Variants in CRACR2A observed in about 807,000 individuals in gnomAD.
CRACR2A encodes calcium release activated channel regulator 2A.
Under a neutral mutation model 90.5 loss-of-function variants are expected in CRACR2A, and 79 were observed. That is an observed-to-expected ratio of 0.87 (90% CI 0.73 to 1.05). CRACR2A has a LOEUF of 1.05. Among genes scored for constraint, CRACR2A ranks in the 50% least tolerant of loss-of-function variants. CRACR2A has a pLI of 0.00. For synonymous variants in CRACR2A, 338 were observed against 356.7 expected, an observed-to-expected ratio of 0.95 and a Z score of 0.59; for missense variants, 823 against 897.2, an observed-to-expected ratio of 0.92 and a Z score of 1.06.
At position 3,720,546 on chromosome 12, in the gene CRACR2A, C is replaced by T. The variant is rs74055991; in HGVS notation, c.-117-7229G>A. On this transcript the variant is annotated intron_variant, in intron 2 of 19. Transcript: ENST00000440314. ...CTCTTGTGCCTGCCACAGGTCTCGA[C>T]GGGATCCTGATGCTCTAACGTTTTC... Among the ~76,000 whole-genome samples the T allele has an allele frequency of 5.5e-3, 837 of 152,324 alleles. 10 individuals carry two copies. Among genetic ancestry groups the T allele is most frequent in the African/African-American group, 0.019 (782 of 41,574 alleles).
intron 4 of CRACR2A, among the ~76,000 whole-genome samples, chr12:3,687,797 C>G (rs1945588190): frequency 6.6e-6 from 1 of 152,214 alleles, no homozygotes; most frequent in Non-Finnish European, 1.5e-5. Context: ...AACGAATTTA[C>G]ACTCCCACCA....
At chr12:3,687,275 A>G (rs1392978943) in intron 4 of CRACR2A, among the ~76,000 whole-genome samples, 2 of 150,930 alleles carry the variant, frequency 1.3e-5, no homozygotes, top group African/African-American at 4.9e-5. Flanking sequence ...TTTGTTGTAC[A>G]TATTATTTCA....
intron 17 of CRACR2A, among the ~76,000 whole-genome samples, chr12:3,624,402 T>A (rs1201210905): frequency 6.6e-6 from 1 of 152,216 alleles, no homozygotes; most frequent in African/African-American, 2.4e-5. Context: ...TCCCCTCAGA[T>A]CAAATTAGGT....
intron 4 of CRACR2A, among the ~76,000 whole-genome samples, chr12:3,688,344 C>A (rs1437922881): frequency 6.6e-6 from 1 of 152,092 alleles, no homozygotes; most frequent in Admixed American, 6.6e-5. Context: ...AGTCTGTAAT[C>A]CATTTTGAGT....
intron 2 of CRACR2A, among the ~76,000 whole-genome samples, chr12:3,722,072 G>A (rs1946188183): frequency 6.6e-6 from 1 of 152,150 alleles, no homozygotes; most frequent in Admixed American, 6.5e-5. Flanking sequence ...TTAGACTTGT[G>A]TACATGTCTA....
intron 13 of CRACR2A, chr12:3,640,918 T>A (rs1944555057): frequency 4.2e-6 from 4 of 954,080 alleles, no homozygotes; most frequent in Non-Finnish European, 5.6e-6. Context: ...ATGTTTGAGT[T>A]AATTAAATAT....
intron 3 of CRACR2A, among the ~76,000 whole-genome samples, chr12:3,701,480 G>A (rs1333832490): frequency 1.3e-5 from 2 of 152,126 alleles, no homozygotes; most frequent in Non-Finnish European, 2.9e-5. Flanking sequence ...GCAATGTGAG[G>A]TGATATCATT....
intron 17 of CRACR2A, among the ~76,000 whole-genome samples, chr12:3,621,211 AG>A (rs1009594006): frequency 2.0e-5 from 3 of 152,140 alleles, no homozygotes; most frequent in African/African-American, 7.2e-5. Context: ...ATTCTACCCC[AG>A]GTTTTGGTAT....
intron 7 of CRACR2A, among the ~76,000 whole-genome samples, chr12:3,661,383 G>A (rs1482727897): frequency 6.6e-6 from 1 of 152,186 alleles, no homozygotes; most frequent in Non-Finnish European, 1.5e-5. Context: ...TTGATTTTGA[G>A]TGACTGTACA....
chr12:3,723,566 C>CA (rs1163465421), intron 2 of CRACR2A, among the ~76,000 whole-genome samples: 1 of 152,010 alleles, frequency 6.6e-6, no homozygotes, highest in Non-Finnish European at 1.5e-5. Context: ...CCCTAGGTGT[C>CA]CCTAGGGGCA....
At chr12:3,694,001 C>T (rs1397378798) in intron 4 of CRACR2A, among the ~76,000 whole-genome samples, 1 of 152,144 alleles carries the variant, frequency 6.6e-6, no homozygotes, top group Non-Finnish European at 1.5e-5. Flanking sequence ...GAGTGGGTTG[C>T]TCATTGCCAG....
intron 4 of CRACR2A, among the ~76,000 whole-genome samples, chr12:3,682,372 C>T (rs1945471880): frequency 6.6e-6 from 1 of 152,184 alleles, no homozygotes; most frequent in Admixed American, 6.5e-5. Context: ...CCAGGAGAGG[C>T]TAGTTCACAG....
intron 1 of CRACR2A, among the ~76,000 whole-genome samples, chr12:3,743,062 G>C (rs1215990392): frequency 6.6e-6 from 1 of 152,200 alleles, no homozygotes; most frequent in Non-Finnish European, 1.5e-5. Flanking sequence ...AACCCCTAAA[G>C]TGTCAGAAAA....
At chr12:3,639,664 G>GA (rs1022580502) in intron 13 of CRACR2A, among the ~76,000 whole-genome samples, 30 of 149,794 alleles carry the variant, frequency 2.0e-4, no homozygotes, top group East Asian at 1.4e-3. Context: ...AAAGGAAAAA[G>GA]AAAAAAAAAT....
At chr12:3,663,576 T>G (rs1344673274) in intron 7 of CRACR2A, among the ~76,000 whole-genome samples, 2 of 152,204 alleles carry the variant, frequency 1.3e-5, no homozygotes, top group Admixed American at 6.5e-5. Context: ...CCTCCAACTG[T>G]GTCTCACATG....
At chr12:3,652,897 G>A (rs1944819346) in intron 10 of CRACR2A, among the ~76,000 whole-genome samples, 2 of 152,212 alleles carry the variant, frequency 1.3e-5, no homozygotes, top group Admixed American at 1.3e-4. Context: ...AGCAAGACGT[G>A]CCTAACTCTT....
chr12:3,653,367 A>G (rs150805342), intron 10 of CRACR2A, among the ~76,000 whole-genome samples: 94 of 152,346 alleles, frequency 6.2e-4, no homozygotes, highest in African/African-American at 2.0e-3. Context: ...ACCTAGCACA[A>G]AATAAATGTT....
rs58090371 is a variant in CRACR2A, at chr12:3,723,516, C to T, written c.-118+9426G>A. Among the ~76,000 whole-genome samples, 243 of 152,162 alleles carry T rather than the reference C, an allele frequency of 1.6e-3. 1 individual carries two copies. Among genetic ancestry groups the T allele is most frequent in the African/African-American group, 5.3e-3 (222 of 41,530 alleles). On this transcript the variant is annotated intron_variant, in intron 2 of 19. Coordinates refer to ENST00000440314, the MANE Select transcript of CRACR2A (RefSeq NM_001144958.2). The stretch of plus-strand genomic sequence containing the variant: ...CTGCTCAACTGGAAACGTTTTCACA[C>T]GTCTCTGACTCAGTGGCACAGAGAG...
intron 7 of CRACR2A, among the ~76,000 whole-genome samples, chr12:3,673,116 T>C (rs748892018): frequency 6.6e-6 from 1 of 152,192 alleles, no homozygotes; most frequent in Non-Finnish European, 1.5e-5. Context: ...CTACTTAACC[T>C]TTCTGGGTTT....
Sources: allele counts gnomAD v4.1 joint callset (sites outside exome capture counted in the v4.1 genomes callset), GRCh38; gene constraint gnomAD v4.1.1; transcripts MANE v1.5; gene names NCBI Gene and HGNC (gene_info 2026-07-23, HGNC 2026-07-21).